SETD9: variants seen among roughly 807,000 people sequenced by gnomAD.
The protein encoded by SETD9 is SET domain-containing protein 9.
Under a neutral mutation model 36.4 loss-of-function variants are expected in SETD9, and 37 were observed. The observed-to-expected ratio is 1.02, with a 90% CI of 0.78 to 1.34. The LOEUF is 1.34. Ranked by LOEUF, SETD9 falls within the 40% of genes most tolerant of loss-of-function variation. The probability of loss-of-function intolerance (pLI) is 0.00; values close to 1 mark genes in which losing one functional copy is unlikely to be tolerated. For missense variants in SETD9, 323 were observed against 353.2 expected, an observed-to-expected ratio of 0.91 and a Z score of 0.69; for synonymous variants, 128 against 132.9, an observed-to-expected ratio of 0.96 and a Z score of 0.26.
downstream of SETD9, chr5:56,925,541 A>G (rs1345298257): frequency 1.4e-5 from 3 of 221,720 alleles, no homozygotes; most frequent in African/African-American, 2.3e-5. Context: ...TTGGGTATAA[A>G]TATAACAAAA....
downstream of SETD9, chr5:56,920,687 G>A (rs1749630063): frequency 6.6e-6 from 1 of 151,990 alleles, no homozygotes; most frequent in Non-Finnish European, 1.5e-5. Flanking sequence ...ATTTTACATG[G>A]ATAAAGTCAT....
rs997438563 is a variant in SETD9, at chr5:56,913,813, T to C, written c.591-61T>C. 1.5e-5 allele frequency: 16 copies of C among 1,052,462 alleles called. No individual in the cohort carries two copies. In the African/African-American group the frequency reaches 2.3e-4, roughly 15 times the overall value. The allele number at this position is 1,052,462 out of a possible 1,614,324, so 65.2% of individuals were successfully genotyped here. A position where few individuals can be genotyped will look rare whatever the true frequency, so the allele number is the denominator to read the frequency against. ...ATGCACTGGTGTAATTCTAGGGTTT[T>C]GTATTTTAGGATTCTATTTTAAGAT... On this transcript the variant is annotated intron_variant, in intron 3 of 5. Transcript: ENST00000285947.
chr5:56,923,378 A>G lies in SETD9; in HGVS notation c.813-1955A>G, dbSNP rs1240909675. The G allele has an allele frequency of 2.2e-5, 36 of 1,614,068 alleles. No individual in the cohort carries two copies. The Admixed American group carries it at 5.8e-4, about 26-fold the overall frequency. On this transcript the variant is annotated intron_variant, in intron 5 of 5. Transcript: ENST00000628593. ...CTCTGACTCTTCACTGCACATGTTC[A>G]TAGGGTTTAGCTCCGAGTGATAAAA...
At position 56,911,436 on chromosome 5, in the gene SETD9, C is replaced by T; in HGVS notation, c.366C>T (p.Phe122=). 1 of 1,613,226 alleles carries T rather than the reference C, an allele frequency of 6.2e-7. No individual in the cohort carries two copies. The highest frequency in any genetic ancestry group is 8.5e-7 in the Non-Finnish European group (1 of 1,179,768). The change falls in exon 2 of 6, where the codon TTC becomes TTT. Residue 122 remains phenylalanine (F), a synonymous_variant. Coordinates refer to ENST00000285947, the MANE Select transcript of SETD9 (RefSeq NM_153706.4). The part of the protein sequence containing the change: ...PEEILYKTLG[F]SVAQATSSLI... ...AAATTCTTTACAAGACTTTGGGTTTCAGTGTTGCCCAAGCAACTAGCTCAT... is the reference window on the plus strand; with the variant it reads ...AAATTCTTTACAAGACTTTGGGTTTTAGTGTTGCCCAAGCAACTAGCTCAT...
chr5:56,909,560 GC>G, upstream of SETD9: 2 of 1,060,158 alleles, frequency 1.9e-6, no homozygotes, highest in Non-Finnish European at 2.6e-6. Context: ...GCCGAGCGCG[GC>G]CCCCTCTCCT....
chr5:56,909,459 A>G (rs1426839650), upstream of SETD9: 5 of 496,500 alleles, frequency 1.0e-5, no homozygotes, highest in East Asian at 1.8e-4. Context: ...TCATTCAGAG[A>G]GGTGAGGTCA....
At chr5:56,913,479 GT>G in intron 3 of SETD9, among the ~76,000 whole-genome samples, 1 of 151,816 alleles carries the variant, frequency 6.6e-6, no homozygotes, top group Non-Finnish European at 1.5e-5. Flanking sequence ...TGCCTCCCGG[GT>G]TCAAGTGATT....
rs2112011295 is a variant in SETD9, at chr5:56,911,450, C to A, written c.380C>A (p.Ala127Glu). The change falls in exon 2 of 6, where the codon GCA becomes GAA. Residue 127 changes from alanine to glutamate, a missense_variant. Ala to Glu is a moderately radical substitution (Grantham distance 107). Coordinates refer to ENST00000285947, the MANE Select transcript of SETD9 (RefSeq NM_153706.4). ...ACTTTGGGTTTCAGTGTTGCCCAAGCAACTAGCTCATTGATTTCTGCTGGA... is the reference window on the plus strand; with the variant it reads ...ACTTTGGGTTTCAGTGTTGCCCAAGAAACTAGCTCATTGATTTCTGCTGGA... The part of the protein sequence containing the change: ...YKTLGFSVAQ[A>E]TSSLISAGKG... The A allele has an allele frequency of 6.2e-7, 1 of 1,610,822 alleles. No individual in the cohort carries two copies. Among genetic ancestry groups the A allele is most frequent in the South Asian group, 1.1e-5 (1 of 90,206 alleles).
intron 5 of SETD9, chr5:56,923,336 A>C (rs1749769103): frequency 6.2e-7 from 1 of 1,614,056 alleles, no homozygotes. Flanking sequence ...GCCCATTTTC[A>C]ATCTTTTTGC....
downstream of SETD9, chr5:56,928,220 G>A (rs533168273): frequency 2.6e-5 from 4 of 152,288 alleles, no homozygotes; most frequent in African/African-American, 9.6e-5. Context: ...AAATGCCAAG[G>A]AACAGGATTA....
At chr5:56,927,885 G>C (rs994441500), downstream of SETD9, 2 of 152,058 alleles carry the variant, frequency 1.3e-5, no homozygotes, top group Admixed American at 1.3e-4. Context: ...TCTCCCTCCT[G>C]CCTCGGCCCT....
intron 3 of SETD9, among the ~76,000 whole-genome samples, chr5:56,913,441 C>T (rs1345809072): frequency 1.3e-5 from 2 of 150,194 alleles, no homozygotes; most frequent in East Asian, 3.9e-4. Flanking sequence ...TGGAGTGCAA[C>T]AGTGCGGTCT....
At chr5:56,909,445 CCT>C (rs1236107790), upstream of SETD9, 54 of 476,606 alleles carry the variant, frequency 1.1e-4, no homozygotes, top group African/African-American at 9.3e-4. Context: ...GCTCTACGCG[CCT>C]CTCATTCAGA....
At position 56,915,761 on chromosome 5, in the gene SETD9, C is replaced by T. The variant is rs551490750; in HGVS notation, c.812+795C>T. Among the ~76,000 whole-genome samples the T allele has an allele frequency of 2.6e-5, 4 of 151,566 alleles. No individual in the cohort carries two copies. The South Asian group carries it at 6.3e-4, about 24-fold the overall frequency. ...GGTGGATTGCTTGAGCACAGGAATT[C>T]GAAACCAGCCCAGACAACATGACAA... On this transcript the variant is annotated intron_variant, in intron 5 of 5. Transcript: ENST00000285947.
At chr5:56,921,265 T>C (rs73136963), downstream of SETD9, 16 of 152,652 alleles carry the variant, frequency 1.0e-4, no homozygotes, top group African/African-American at 3.6e-4. Flanking sequence ...TACTAAATTA[T>C]AGAAAGTGTA....
intron 4 of SETD9, among the ~76,000 whole-genome samples, chr5:56,914,439 C>T (rs891489032): frequency 1.3e-5 from 2 of 151,936 alleles, no homozygotes; most frequent in African/African-American, 2.4e-5. Context: ...TGGGCTTTGG[C>T]GTTAGTGAGA....
chr5:56,922,896 C>T (rs1579828285), intron 5 of SETD9: 1 of 516,184 alleles, frequency 1.9e-6, no homozygotes, highest in Non-Finnish European at 3.5e-6. Flanking sequence ...CTTAAAGCTG[C>T]ACCACAGAGT....
chr5:56,915,110 G>T, intron 5 of SETD9, 144 bp downstream of exon 5: 1 of 435,720 alleles, frequency 2.3e-6, no homozygotes, highest in Non-Finnish European at 4.0e-6. Context: ...ACACCTTAAC[G>T]TGTTAATGTA....
chr5:56,922,860 G>A (rs988568076), intron 5 of SETD9: 9 of 430,826 alleles, frequency 2.1e-5, no homozygotes, highest in Non-Finnish European at 2.6e-5. Context: ...AAGAGGTATT[G>A]GGAGATGAGG....
Sources: allele counts gnomAD v4.1 joint callset (sites outside exome capture counted in the v4.1 genomes callset), GRCh38; gene constraint gnomAD v4.1.1; transcripts MANE v1.5; gene names NCBI Gene and HGNC (gene_info 2026-07-23, HGNC 2026-07-21).